The following UBE3A variants were observed in gnomAD, a reference collection of about 807,000 sequenced individuals.
UBE3A encodes the protein ubiquitin-protein ligase E3A.
In UBE3A, 6 loss-of-function variants were observed where a neutral mutation model predicts 83.4. The ratio of observed to expected loss-of-function variants is 0.07; its 90% CI spans 0.04 to 0.14. UBE3A has a LOEUF of 0.14. Ranked by LOEUF, UBE3A falls within the 10% of genes least tolerant of loss-of-function variation. The probability of loss-of-function intolerance (pLI) is 1.00; values close to 1 mark genes in which losing one functional copy is unlikely to be tolerated. For synonymous variants in UBE3A, 337 were observed against 355.4 expected (o/e 0.95, Z 0.58); for missense variants, 456 against 1,036.1 (o/e 0.44, Z 7.69).
At chr15:25,367,440 T>C (rs1052624179) in intron 6 of UBE3A, among the ~76,000 whole-genome samples, 2 of 151,998 alleles carry the variant, frequency 1.3e-5, no homozygotes, top group Non-Finnish European at 2.9e-5. Flanking sequence ...CTGTACTGTT[T>C]TCTAAGGAAC....
chr15:25,374,138 A>C (rs1261534352), intron 5 of UBE3A: 1 of 152,262 alleles, frequency 6.6e-6, no homozygotes, highest in South Asian at 2.1e-4. Context: ...GCAAAAACAA[A>C]AACAAAAAAA....
chr15:25,392,798 A>C (rs1011752941), intron 4 of UBE3A, among the ~76,000 whole-genome samples: 3 of 152,196 alleles, frequency 2.0e-5, no homozygotes, highest in African/African-American at 4.8e-5. Context: ...CAAGAGCCTA[A>C]AGTTCAAGAA....
At chr15:25,412,892 T>G (rs2153091688) in intron 1 of UBE3A, 2 of 295,698 alleles carry the variant, frequency 6.8e-6, no homozygotes, top group South Asian at 5.6e-5. Flanking sequence ...CTACTTGGGC[T>G]CTACTCGCAA....
At chr15:25,416,880 A>G (rs1266698378) in intron 1 of UBE3A, among the ~76,000 whole-genome samples, 1 of 152,090 alleles carries the variant, frequency 6.6e-6, no homozygotes, top group African/African-American at 2.4e-5. Flanking sequence ...GTAATTTCCA[A>G]CCTGCAGTCA....
At chr15:25,378,909 T>C (rs991865417) in intron 4 of UBE3A, among the ~76,000 whole-genome samples, 1 of 152,152 alleles carries the variant, frequency 6.6e-6, no homozygotes, top group African/African-American at 2.4e-5. Flanking sequence ...AATTTCTCTC[T>C]AATTTGTTGA....
intron 1 of UBE3A, among the ~76,000 whole-genome samples, chr15:25,416,977 T>C (rs575122736): frequency 6.2e-4 from 94 of 152,062 alleles, no homozygotes; most frequent in African/African-American, 1.7e-3. Context: ...GTGGGTAAAA[T>C]TGATGACAAG....
rs34020669 is a variant in UBE3A, at chr15:25,356,333, G to A, written c.1960-277C>T. ...GAGAAATTCTGTGGTGTCTCAAGGT[G>A]GGGGTGGGGGTGGTAGGAGCAGGCA... On this transcript the variant is annotated intron_variant, in intron 8 of 12. Transcript: ENST00000648336. Among the ~76,000 whole-genome samples, 18,038 of 151,830 alleles carry A rather than the reference G, an allele frequency of 0.12. 1,151 individuals are homozygous for A. Among genetic ancestry groups the A allele is most frequent in the Middle Eastern group, 0.23 (68 of 294 alleles).
At chr15:25,424,013 T>A (rs530386882) in intron 1 of UBE3A, among the ~76,000 whole-genome samples, 1 of 152,264 alleles carries the variant, frequency 6.6e-6, no homozygotes, top group South Asian at 2.1e-4. Context: ...TCTGCCCTTG[T>A]CCCCTTTTTC....
At chr15:25,421,148 T>C (rs1889622298) in intron 1 of UBE3A, among the ~76,000 whole-genome samples, 1 of 152,168 alleles carries the variant, frequency 6.6e-6, no homozygotes, top group Non-Finnish European at 1.5e-5. Flanking sequence ...CTTGGTGCTC[T>C]CCTTGGGATA....
Position 25,375,531 on chromosome 15 carries a change from C to A in UBE3A, c.295G>T (p.Gly99Cys), listed in dbSNP as rs774533700. 6 of 1,614,020 alleles carry A rather than the reference C, an allele frequency of 3.7e-6. No homozygotes were observed. The African/African-American group carries it at 8.0e-5, about 22-fold the overall frequency. ...ASSAYLENSK[G>C]APNNSCSEIK... ...TCAGAGCAGGAGTTGTTGGGGGCAC[C>A]TTTCGAGTTCTCAAGGTAAGCTGAG... Residue 99 changes from glycine (G) to cysteine (C), a missense_variant, in exon 5 of 13, where the codon GGT becomes TGT. Coordinates refer to ENST00000648336, the MANE Select transcript of UBE3A (RefSeq NM_130839.5).
intron 1 of UBE3A, among the ~76,000 whole-genome samples, chr15:25,428,670 A>C (rs1892141226): frequency 1.3e-5 from 2 of 152,294 alleles, no homozygotes; most frequent in Admixed American, 6.5e-5. Flanking sequence ...TTTACCTACG[A>C]TTCAGAATAA....
intron 4 of UBE3A, among the ~76,000 whole-genome samples, chr15:25,399,740 A>AT (rs57689289): frequency 8.0e-5 from 12 of 150,054 alleles, no homozygotes; most frequent in African/African-American, 2.9e-4. Context: ...GGCTTTAAAA[A>AT]TTTTTTTTTT....
At chr15:25,365,098 C>G (rs1425865341) in intron 6 of UBE3A, among the ~76,000 whole-genome samples, 1 of 152,060 alleles carries the variant, frequency 6.6e-6, no homozygotes, top group Non-Finnish European at 1.5e-5. Context: ...TTCTTTAAGA[C>G]TCTTGATTTC....
At chr15:25,423,864 C>G (rs1008218414) in intron 1 of UBE3A, among the ~76,000 whole-genome samples, 2 of 152,162 alleles carry the variant, frequency 1.3e-5, no homozygotes, top group African/African-American at 4.8e-5. Flanking sequence ...CCACTTTCAT[C>G]TGGTCTACTA....
intron 3 of UBE3A, chr15:25,408,528 G>C: frequency 6.9e-7 from 1 of 1,453,260 alleles, no homozygotes; most frequent in Non-Finnish European, 9.7e-7. Context: ...ATCAATTTTA[G>C]GTCTTGATTT....
intron 6 of UBE3A, among the ~76,000 whole-genome samples, chr15:25,367,163 GTATATTTA>G (rs1287227783): frequency 2.4e-4 from 24 of 99,482 alleles, no homozygotes; most frequent in African/African-American, 8.2e-4. Context: ...ACACAAATGG[GTATATTTA>G]CATATTTGTA....
chr15:25,393,186 G>GA (rs1026782080), intron 4 of UBE3A, among the ~76,000 whole-genome samples: 8 of 150,386 alleles, frequency 5.3e-5, no homozygotes, highest in African/African-American at 1.2e-4. Context: ...GCAGTAGGAA[G>GA]AAAAAAAAAG....
intron 1 of UBE3A, among the ~76,000 whole-genome samples, chr15:25,426,800 C>G (rs1393429396): frequency 2.0e-5 from 3 of 151,752 alleles, no homozygotes; most frequent in Non-Finnish European, 2.9e-5. Flanking sequence ...TAATGTCTTA[C>G]AAAATATTTC....
chr15:25,366,398 G>C (rs2079110183), intron 6 of UBE3A, among the ~76,000 whole-genome samples: 1 of 152,166 alleles, frequency 6.6e-6, no homozygotes, highest in South Asian at 2.1e-4. Context: ...AGCTGAAAAT[G>C]CTGGAAGCTG....
Sources: gnomAD v4.1 joint callset for allele counts (sites outside exome capture counted in the v4.1 genomes callset) on GRCh38, gnomAD v4.1.1 for gene constraint, MANE v1.5 for transcripts, NCBI Gene and HGNC (gene_info 2026-07-23, HGNC 2026-07-21) for gene names.